PTP4A1: variants seen among roughly 807,000 people sequenced by gnomAD.
PTP4A1 encodes protein tyrosine phosphatase 4A1, also known as protein tyrosine phosphatase type IVA 1.
In PTP4A1, 9 loss-of-function variants were observed where a neutral mutation model predicts 20.5. The observed-to-expected ratio is 0.44, with a 90% CI of 0.26 to 0.77. The LOEUF (loss-of-function observed/expected upper bound fraction) is 0.77, where lower values mean the gene tolerates loss of function less well. PTP4A1 is among the 30% of genes least tolerant of loss of function. PTP4A1 has a pLI of 0.19. For synonymous variants in PTP4A1, 78 were observed against 67.4 expected, an observed-to-expected ratio of 1.16 and a Z score of -0.77; for missense variants, 137 against 218.8, an observed-to-expected ratio of 0.63 and a Z score of 2.36.
intron 2 of PTP4A1, among the ~76,000 whole-genome samples, chr6:63,543,022 A>G (rs996578969): frequency 3.9e-5 from 6 of 152,300 alleles, no homozygotes; most frequent in Admixed American, 3.9e-4. Context: ...TCCACTACCC[A>G]TCACAACATT....
chr6:63,527,374 A>G lies in PTP4A1; in HGVS notation c.-905-445A>G, dbSNP rs150743472. Among the ~76,000 whole-genome samples, 54 of 152,294 alleles carry G rather than the reference A, an allele frequency of 3.5e-4. No individual in the cohort carries two copies. The East Asian group carries it at 0.01, about 29-fold the overall frequency. The stretch of plus-strand genomic sequence containing the variant: ...CCACAGTAACCCACAGACCTTGCAT[A>G]GAATATTGACCAATAAGTGCCGAGT... On this transcript the variant is annotated intron_variant, in intron 1 of 3. Coordinates refer to the PTP4A1 transcript ENST00000639568.
chr6:63,528,288 C>T (rs1212677933), intron 2 of PTP4A1, among the ~76,000 whole-genome samples: 2 of 152,162 alleles, frequency 1.3e-5, no homozygotes, highest in African/African-American at 2.4e-5. Context: ...TTTCTGCTCC[C>T]ATTGGGCTGT....
chr6:63,576,989 A>C lies in PTP4A1; in HGVS notation c.105+4A>C. ...GACCTTAAACAAATTTATAGAGGTA[A>C]GATTTGATATGTTTTAGTAGCTTAA... is the stretch of plus-strand genomic sequence containing the variant. On this transcript the variant is annotated splice_donor_region_variant and intron_variant, in intron 2 of 5. Transcript: ENST00000626021. 1 of 1,599,546 alleles carries C rather than the reference A, an allele frequency of 6.3e-7. No individual in the cohort carries two copies.
intron 3 of PTP4A1, among the ~76,000 whole-genome samples, chr6:63,566,596 G>A (rs1169513705): frequency 6.6e-6 from 1 of 152,190 alleles, no homozygotes; most frequent in Non-Finnish European, 1.5e-5. Context: ...GCTAAAAAAT[G>A]CTAACAGTCA....
upstream of PTP4A1, among the ~76,000 whole-genome samples, chr6:63,517,075 GT>G (rs140444163): frequency 0.021 from 3,226 of 152,136 alleles, 129 homozygotes; most frequent in African/African-American, 0.074. Context: ...ACAAAGAAAG[GT>G]TTTAAGAATT....
rs910098165 is a variant in PTP4A1, at chr6:63,572,484, C to G, written c.-681C>G. 1 of 389,488 alleles carries G rather than the reference C, an allele frequency of 2.6e-6. No individual in the cohort carries two copies. Among genetic ancestry groups the G allele is most frequent in the Non-Finnish European group, 4.5e-6 (1 of 220,134 alleles). 24.1% of individuals were successfully genotyped at this position (389,488 alleles called of 1,614,324 possible). On this transcript the variant is annotated 5_prime_UTR_variant, in exon 1 of 6. Coordinates refer to ENST00000626021, the MANE Select transcript of PTP4A1 (RefSeq NM_003463.5). ...GAGGGCTTGTGACGCAAGGGCGCCT[C>G]GGCGCGTGTATTGGCTCCTTCGGCT... is the stretch of plus-strand genomic sequence containing the variant.
upstream of PTP4A1, among the ~76,000 whole-genome samples, chr6:63,569,655 A>G (rs1191261077): frequency 1.5e-4 from 23 of 152,218 alleles, no homozygotes; most frequent in Non-Finnish European, 1.5e-5. Context: ...GCCTATCGTG[A>G]TGAGGTTAAG....
chr6:63,536,238 G>C (rs966787182), intron 2 of PTP4A1, among the ~76,000 whole-genome samples: 1 of 152,172 alleles, frequency 6.6e-6, no homozygotes, highest in African/African-American at 2.4e-5. Flanking sequence ...GCTGAGGCAG[G>C]AGAATCGCTC....
intron 1 of PTP4A1, among the ~76,000 whole-genome samples, chr6:63,525,209 G>C (rs533456482): frequency 6.6e-6 from 1 of 152,146 alleles, no homozygotes; most frequent in East Asian, 1.9e-4. Flanking sequence ...AGTTATCCTG[G>C]TGAATTGTGT....
upstream of PTP4A1, among the ~76,000 whole-genome samples, chr6:63,569,255 C>T (rs1311000886): frequency 6.6e-6 from 1 of 152,106 alleles, no homozygotes; most frequent in Non-Finnish European, 1.5e-5. Flanking sequence ...AAAAATATCG[C>T]TTATAATATT....
upstream of PTP4A1, chr6:63,572,320 C>T (rs1322810414): frequency 4.2e-6 from 1 of 235,512 alleles, no homozygotes; most frequent in Admixed American, 5.7e-5. Flanking sequence ...CATTCATCAA[C>T]CGGTTCACAC....
intron 4 of PTP4A1, 22 bp from the exon 5 acceptor site, chr6:63,579,235 A>C: frequency 6.3e-7 from 1 of 1,579,148 alleles, no homozygotes; most frequent in Non-Finnish European, 8.6e-7. Flanking sequence ...AAAACTATTT[A>C]TCAAAATTCT....
intron 2 of PTP4A1, among the ~76,000 whole-genome samples, chr6:63,538,041 G>C (rs77297953): frequency 0.017 from 2,581 of 152,322 alleles, 28 homozygotes; most frequent in Non-Finnish European, 0.026. Flanking sequence ...AAGAAAGAAA[G>C]ATAAATTATC....
chr6:63,580,195 C>A lies in PTP4A1; in HGVS notation c.*21C>A. On this transcript the variant is annotated 3_prime_UTR_variant, in exon 6 of 6. Coordinates refer to ENST00000626021, the MANE Select transcript of PTP4A1 (RefSeq NM_003463.5). Reference sequence around the variant, plus strand: ...AATAAAATTGGGGTGCCTAATGCTACTGGAAGTGGAACTTGAGATAGGGCC... The same window carrying A: ...AATAAAATTGGGGTGCCTAATGCTAATGGAAGTGGAACTTGAGATAGGGCC... 2 of 1,550,098 alleles carry A rather than the reference C, an allele frequency of 1.3e-6. No homozygotes were observed. Among genetic ancestry groups the A allele is most frequent in the Non-Finnish European group, 1.8e-6 (2 of 1,123,438 alleles).
At chr6:63,526,319 C>T (rs1330498670) in intron 1 of PTP4A1, among the ~76,000 whole-genome samples, 1 of 150,766 alleles carries the variant, frequency 6.6e-6, no homozygotes, top group African/African-American at 2.4e-5. Flanking sequence ...AGCAAGACTC[C>T]ACCTCAAAAT....
intron 2 of PTP4A1, among the ~76,000 whole-genome samples, chr6:63,531,116 A>C (rs72880876): frequency 0.058 from 8,871 of 152,266 alleles, 358 homozygotes; most frequent in East Asian, 0.16. Flanking sequence ...CAGTTCCCTC[A>C]GTCTCCAAAG....
chr6:63,548,171 G>A (rs1776286287), intron 2 of PTP4A1, among the ~76,000 whole-genome samples: 1 of 152,008 alleles, frequency 6.6e-6, no homozygotes, highest in African/African-American at 2.4e-5. Context: ...ATTTCCCTTA[G>A]CACTTTTTAT....
intron 2 of PTP4A1, chr6:63,548,926 G>T: frequency 1.1e-6 from 1 of 885,432 alleles, no homozygotes; most frequent in Admixed American, 1.8e-5. Flanking sequence ...GTCTTCCTGT[G>T]GACTAGACGT....
At chr6:63,556,897 T>C (rs1776709654) in intron 3 of PTP4A1, among the ~76,000 whole-genome samples, 1 of 152,228 alleles carries the variant, frequency 6.6e-6, no homozygotes, top group Non-Finnish European at 1.5e-5. Flanking sequence ...ATTATCATCA[T>C]CACTTCTTGA....
Sources: gnomAD v4.1 joint callset for allele counts (sites outside exome capture counted in the v4.1 genomes callset) on GRCh38, gnomAD v4.1.1 for gene constraint, MANE v1.5 for transcripts, NCBI Gene and HGNC (gene_info 2026-07-23, HGNC 2026-07-21) for gene names.